The following GRIP1 variants were observed in gnomAD, a reference collection of about 807,000 sequenced individuals.
GRIP1 encodes the protein glutamate receptor interacting protein 1.
GRIP1 carries 45 observed loss-of-function variants against 129.9 expected under a neutral mutation model. The observed-to-expected ratio is 0.35, with a 90% CI of 0.27 to 0.44. GRIP1 has a LOEUF of 0.44. GRIP1 is among the 20% of genes least tolerant of loss of function. GRIP1 has a pLI of 1.00. For synonymous variants in GRIP1, 530 were observed against 520.8 expected (o/e 1.02, Z -0.24); for missense variants, 1,196 against 1,396.8 (o/e 0.86, Z 2.29).
At chr12:66,445,139 G>A (rs12304299) in intron 12 of GRIP1, among the ~76,000 whole-genome samples, 183 bp downstream of exon 12, 5,497 of 152,154 alleles carry the variant, frequency 0.036, 307 homozygotes, top group African/African-American at 0.13. Flanking sequence ...CTAGTTAAAG[G>A]CATCCATGCT....
intron 1 of GRIP1, among the ~76,000 whole-genome samples, chr12:66,727,751 T>C (rs570774803): frequency 1.1e-4 from 17 of 152,142 alleles, no homozygotes; most frequent in Non-Finnish European, 2.1e-4. Context: ...AGAAATGCCA[T>C]GGAAATTAAG....
rs149191159 is a variant in GRIP1, at chr12:66,947,473, A to T, written c.58+121577T>A. On this transcript the variant is annotated intron_variant, in intron 1 of 1. Transcript: ENST00000643019. ...TAATCACTGTGATTGTTGCTGATTA[A>T]TCCCAAATGCTGGTGGGAGAGAATA... Among the ~76,000 whole-genome samples, 265 of 152,306 alleles carry T rather than the reference A, an allele frequency of 1.7e-3. 2 individuals carry two copies. Among genetic ancestry groups the T allele is most frequent in the Middle Eastern group, 6.8e-3 (2 of 294 alleles).
At chr12:66,723,371 G>A (rs1372675142) in intron 1 of GRIP1, among the ~76,000 whole-genome samples, 1 of 142,856 alleles carries the variant, frequency 7.0e-6, no homozygotes, top group Admixed American at 7.0e-5. Context: ...GGAGTGCAGT[G>A]GTGCGATAGC....
At chr12:66,495,474 T>C (rs2060211723) in intron 7 of GRIP1, among the ~76,000 whole-genome samples, 1 of 152,204 alleles carries the variant, frequency 6.6e-6, no homozygotes, top group Admixed American at 6.5e-5. Flanking sequence ...TTTTATAATC[T>C]ATAACTAATG....
At chr12:66,574,182 C>G (rs930484851) in intron 2 of GRIP1, among the ~76,000 whole-genome samples, 2 of 152,168 alleles carry the variant, frequency 1.3e-5, no homozygotes, top group African/African-American at 2.4e-5. Context: ...AGGGCTGGGT[C>G]AGGGATGCCC....
chr12:66,420,801 G>C lies in GRIP1; in HGVS notation c.1769-12C>G. The C allele has an allele frequency of 1.4e-6, 2 of 1,454,090 alleles. No homozygotes were observed. The highest frequency in any genetic ancestry group is 1.9e-6 in the Non-Finnish European group (2 of 1,033,928). The allele number at this position is 1,454,090 out of a possible 1,614,324, so 90.1% of individuals were successfully genotyped here. ...TCTACTGGATGGTGCTGTAATAATGGAGATAGAATAATCACATCTTTATAT... is the reference window on the plus strand; with the variant it reads ...TCTACTGGATGGTGCTGTAATAATGCAGATAGAATAATCACATCTTTATAT... On this transcript the variant is annotated splice_polypyrimidine_tract_variant and intron_variant, in intron 14 of 24. Transcript: ENST00000359742.
chr12:66,410,043 G>A (rs942067132), intron 15 of GRIP1, among the ~76,000 whole-genome samples: 1 of 151,216 alleles, frequency 6.6e-6, no homozygotes, highest in African/African-American at 2.4e-5. Context: ...GAGGTCAGGA[G>A]ATCGAGACCA....
At chr12:66,935,573 T>C (rs527669603) in intron 1 of GRIP1, among the ~76,000 whole-genome samples, 140 of 152,274 alleles carry the variant, frequency 9.2e-4, no homozygotes, top group African/African-American at 3.2e-3. Context: ...ATCATGGCCA[T>C]TGATAAAAGA....
At chr12:66,573,618 G>A (rs1440626391) in intron 2 of GRIP1, among the ~76,000 whole-genome samples, 2 of 152,168 alleles carry the variant, frequency 1.3e-5, no homozygotes, top group Non-Finnish European at 2.9e-5. Flanking sequence ...TAGCTCCAGA[G>A]CCTGCGTTCC....
chr12:66,403,112 T>A (rs997541591), intron 16 of GRIP1, among the ~76,000 whole-genome samples: 4 of 151,564 alleles, frequency 2.6e-5, no homozygotes, highest in Non-Finnish European at 5.9e-5. Flanking sequence ...AGCTGAACTT[T>A]AAACTGAGGT....
At chr12:66,419,123 C>T (rs2057713159) in intron 15 of GRIP1, among the ~76,000 whole-genome samples, 1 of 151,904 alleles carries the variant, frequency 6.6e-6, no homozygotes, top group South Asian at 2.1e-4. Flanking sequence ...TAAAAAAGAA[C>T]GAGATCCTGT....
intron 1 of GRIP1, among the ~76,000 whole-genome samples, chr12:66,869,575 G>C (rs1293876192): frequency 6.6e-6 from 1 of 152,088 alleles, no homozygotes; most frequent in Non-Finnish European, 1.5e-5. Context: ...TCCAGACTGT[G>C]GGTAAGTGTC....
At chr12:66,828,196 A>G (rs1407158582) in intron 1 of GRIP1, among the ~76,000 whole-genome samples, 1 of 152,222 alleles carries the variant, frequency 6.6e-6, no homozygotes, top group Non-Finnish European at 1.5e-5. Flanking sequence ...AAATTATAGA[A>G]TTGCAGGCCT....
intron 1 of GRIP1, among the ~76,000 whole-genome samples, chr12:66,876,787 G>A (rs370870484): frequency 1.3e-5 from 2 of 152,136 alleles, no homozygotes; most frequent in Admixed American, 1.3e-4. Flanking sequence ...CATTTGGTAG[G>A]CAAAGTTCAG....
In GRIP1 at chr12:66,505,557, A is replaced by G. The variant is rs537213487; in HGVS notation, c.724+10062T>C. ...ACTGTAAATCACTACCCTTTGTGGC[A>G]TTTTGCTACAATGTAATAGAAAAAT... On this transcript the variant is annotated intron_variant, in intron 7 of 24. Coordinates refer to ENST00000359742, the MANE Select transcript of GRIP1 (RefSeq NM_001366722.1). 2.0e-5 allele frequency among the ~76,000 whole-genome samples: 3 copies of G among 152,290 alleles called. No homozygotes were observed. In the South Asian group the frequency reaches 6.2e-4, roughly 32 times the overall value.
chr12:66,413,685 T>C (rs957067464), intron 15 of GRIP1, among the ~76,000 whole-genome samples: 9 of 152,114 alleles, frequency 5.9e-5, no homozygotes, highest in African/African-American at 2.2e-4. Flanking sequence ...TAAACATGGA[T>C]GCAAAAATCC....
intron 13 of GRIP1, 130 bp from the exon 14 acceptor site, chr12:66,432,758 A>G (rs1565732245): frequency 1.5e-6 from 1 of 654,788 alleles, no homozygotes. Flanking sequence ...AAGTAAGATG[A>G]AGGCCTTTAA....
chr12:67,022,053 T>C (rs952392853), intron 1 of GRIP1, among the ~76,000 whole-genome samples: 3 of 152,182 alleles, frequency 2.0e-5, no homozygotes, highest in African/African-American at 4.8e-5. Flanking sequence ...CATTCATCTG[T>C]TGATAGATAC....
chr12:67,025,331 ACT>A (rs1451226489), intron 1 of GRIP1, among the ~76,000 whole-genome samples: 2 of 152,134 alleles, frequency 1.3e-5, no homozygotes, highest in African/African-American at 4.8e-5. Flanking sequence ...ACAGAGCGAG[ACT>A]CTGTCTCAAA....
Sources: allele counts gnomAD v4.1 joint callset (sites outside exome capture counted in the v4.1 genomes callset), GRCh38; gene constraint gnomAD v4.1.1; transcripts MANE v1.5; gene names NCBI Gene and HGNC (gene_info 2026-07-23, HGNC 2026-07-21).